TLR8: variants seen among roughly 807,000 people sequenced by gnomAD.
The protein encoded by TLR8 is toll like receptor 8.
A neutral mutation model predicts 18.5 loss-of-function variants in TLR8; 5 were observed. The observed-to-expected ratio is 0.27, with a 90% CI of 0.14 to 0.57. The LOEUF (loss-of-function observed/expected upper bound fraction) is 0.57. Among genes scored for constraint, TLR8 ranks in the 20% least tolerant of loss-of-function variants. The probability of loss-of-function intolerance (pLI) is 0.92; values close to 1 mark genes in which losing one functional copy is unlikely to be tolerated. For synonymous variants in TLR8, 299 were observed against 300.1 expected (o/e 1.00, Z 0.04); for missense variants, 543 against 769.8 (o/e 0.71, Z 3.49).
At position 12,919,092 on chromosome X, in the gene TLR8, A is replaced by G. The variant is rs151096932; in HGVS notation, c.52A>G (p.Ile18Val). The G allele has an allele frequency of 1.1e-4, 134 of 1,209,087 alleles. No homozygotes were observed. In the African/African-American group the frequency reaches 1.8e-3, roughly 16 times the overall value. ...SSMLTCIFLLISGSCELCAEE... is the reference protein window; with the variant it reads ...SSMLTCIFLLVSGSCELCAEE... The stretch of plus-strand genomic sequence containing the variant: ...AATGCTGACCTGCATTTTCCTGCTA[A>G]TATCTGGTTCCTGTGAGTTATGCGC... Residue 18 changes from isoleucine (I) to valine (V), a missense_variant, in exon 2 of 2, where the codon ATA becomes GTA. Physicochemically the swap from Ile to Val is conservative, Grantham distance 29 (BLOSUM62 3). Transcript: ENST00000218032.
Position 12,921,475 on chromosome X carries a change from A to C in TLR8, c.2435A>C (p.Lys812Thr), listed in dbSNP as rs1210434450. 5 of 1,210,130 alleles carry C rather than the reference A, an allele frequency of 4.1e-6. No individual in the cohort carries two copies. The highest frequency in any genetic ancestry group is 5.6e-6 in the Non-Finnish European group (5 of 895,157). Residue 812 changes from lysine (K) to threonine (T), a missense_variant, in exon 2 of 2, where the codon AAG becomes ACG. Transcript: ENST00000218032. Reference sequence around the variant, plus strand: ...GCCAGTCCTGGGGATCAAAGAGGGAAGAGTATTGTGAGTCTGGAGCTAACA... The same window carrying C: ...GCCAGTCCTGGGGATCAAAGAGGGACGAGTATTGTGAGTCTGGAGCTAACA... ...ICASPGDQRG[K>T]SIVSLELTTC...
At position 12,920,205 on chromosome X, in the gene TLR8, C is replaced by G; in HGVS notation, c.1165C>G (p.Pro389Ala). 1 of 1,209,477 alleles carries G rather than the reference C, an allele frequency of 8.3e-7. No homozygotes were observed. Among genetic ancestry groups the G allele is most frequent in the Non-Finnish European group, 1.1e-6 (1 of 894,092 alleles). Residue 389 changes from proline to alanine, a missense_variant, in exon 2 of 2, where the codon CCC becomes GCC. Pro to Ala is a conservative substitution (Grantham distance 27). Transcript: ENST00000218032. ...FQELREDDFQPLMQLPNLSTI... is the reference protein window; with the variant it reads ...FQELREDDFQALMQLPNLSTI... ...GGAACTCAGAGAAGATGATTTCCAGCCCCTGATGCAGCTTCCAAACTTATC... is the reference window on the plus strand; with the variant it reads ...GGAACTCAGAGAAGATGATTTCCAGGCCCTGATGCAGCTTCCAAACTTATC...
At chrX:12,916,038 C>T (rs765518000) in intron 1 of TLR8, among the ~76,000 whole-genome samples, 3 of 110,991 alleles carry the variant, frequency 2.7e-5, no homozygotes, top group Admixed American at 9.6e-5. Flanking sequence ...TGCACCACCA[C>T]GCCCAGCTAA....
Position 12,922,243 on chromosome X carries a change from T to C in TLR8, c.*77T>C. 1.7e-5 allele frequency: 19 copies of C among 1,097,332 alleles called. No homozygotes were observed. The highest frequency in any genetic ancestry group is 2.3e-5 in the Non-Finnish European group (19 of 829,463). The allele number at this position is 1,097,332 out of a possible 1,213,427, so 90.4% of individuals were successfully genotyped here. On this transcript the variant is annotated 3_prime_UTR_variant, in exon 2 of 2. Coordinates refer to ENST00000218032, the MANE Select transcript of TLR8 (RefSeq NM_138636.5). ...TTTCTGTATTAGTTATCTATTGCTA[T>C]GTAACAAATTATCCCAAAACTTAGT...
At chrX:12,907,850 T>C (rs750990801) in intron 1 of TLR8, among the ~76,000 whole-genome samples, 24 of 111,271 alleles carry the variant, frequency 2.2e-4, no homozygotes, top group African/African-American at 7.5e-4. Context: ...TATACCCACC[T>C]AATGTTCATT....
intron 1 of TLR8, among the ~76,000 whole-genome samples, chrX:12,916,547 G>A (rs1433986219): frequency 8.9e-6 from 1 of 112,155 alleles, no homozygotes; most frequent in East Asian, 2.8e-4. Flanking sequence ...GTACAGATGT[G>A]AAGCCTGGAG....
At chrX:12,917,366 CA>C (rs1160099822) in intron 1 of TLR8, among the ~76,000 whole-genome samples, 1 of 112,289 alleles carries the variant, frequency 8.9e-6, no homozygotes, top group African/African-American at 3.2e-5. Context: ...TACAAATGGG[CA>C]ATAATGATTG....
In TLR8 at chrX:12,921,465, CA is replaced by C; in HGVS notation, c.2428del (p.Arg810GlufsTer6). ...TGTCATTTGTGCCAGTCCTGGGGAT[CA>C]AAGAGGGAAGAGTATTGTGAGTCTG... ...VDVICASPGD[Q>X]RGKSIVSLEL... On this transcript the variant is annotated frameshift_variant, in exon 2 of 2. Transcript: ENST00000218032. LOFTEE classifies it high-confidence loss of function. 8.3e-7 allele frequency: 1 copy of C among 1,211,562 alleles called. No individual in the cohort carries two copies. Among genetic ancestry groups the C allele is most frequent in the Non-Finnish European group, 1.1e-6 (1 of 895,368 alleles).
At position 12,921,650 on chromosome X, in the gene TLR8, C is replaced by T. The variant is rs146081722; in HGVS notation, c.2610C>T (p.Tyr870=). ...YNVCLAKVKG[Y]RSLSTSQTFY... ...TGTGTTTAGCTAAGGTAAAAGGCTACAGGTCTCTTTCCACATCCCAAACTT... is the reference window on the plus strand; with the variant it reads ...TGTGTTTAGCTAAGGTAAAAGGCTATAGGTCTCTTTCCACATCCCAAACTT... Residue 870 remains tyrosine (Y), a synonymous_variant, in exon 2 of 2, where the codon TAC becomes TAT. Coordinates refer to ENST00000218032, the MANE Select transcript of TLR8 (RefSeq NM_138636.5). 15 of 1,209,975 alleles carry T rather than the reference C, an allele frequency of 1.2e-5. No individual in the cohort carries two copies. In the African/African-American group the frequency reaches 1.6e-4, roughly 13 times the overall value.
intron 1 of TLR8, 79 bp from the exon 2 acceptor site, chrX:12,918,965 A>G: frequency 2.0e-6 from 2 of 1,023,546 alleles, no homozygotes; most frequent in Non-Finnish European, 2.6e-6. Context: ...AGTATGGGGC[A>G]GCGCTGCTAA....
chrX:12,908,928 G>A (rs140072246), intron 1 of TLR8, among the ~76,000 whole-genome samples: 3,461 of 112,013 alleles, frequency 0.031, 51 homozygotes, highest in Non-Finnish European at 0.037. Flanking sequence ...GATTATGAAA[G>A]AGAAAGCAGT....
At position 12,919,255 on chromosome X, in the gene TLR8, A is replaced by G; in HGVS notation, c.215A>G (p.Asp72Gly). 8.2e-7 allele frequency: 1 copy of G among 1,212,234 alleles called. No homozygotes were observed. The highest frequency in any genetic ancestry group is 1.1e-6 in the Non-Finnish European group (1 of 895,649). ...TATGTGACAGAACTAGACCTGTCTG[A>G]TAATTTCATCACACACATAACGAAT... ...GKYVTELDLS[D>G]NFITHITNES... Residue 72 changes from aspartate (D) to glycine (G), a missense_variant, in exon 2 of 2, where the codon GAT becomes GGT. Coordinates refer to ENST00000218032, the MANE Select transcript of TLR8 (RefSeq NM_138636.5).
chrX:12,916,852 AGTT>A (rs771059229), intron 1 of TLR8, among the ~76,000 whole-genome samples: 2 of 110,498 alleles, frequency 1.8e-5, no homozygotes, highest in Non-Finnish European at 3.8e-5. Flanking sequence ...AGTTCCTTGC[AGTT>A]GTTGTTCGAC....
At chrX:12,912,086 T>C (rs5744049) in intron 1 of TLR8, among the ~76,000 whole-genome samples, 3 of 92,623 alleles carry the variant, frequency 3.2e-5, no homozygotes, top group African/African-American at 1.2e-4. Context: ...CTCTCTCTCT[T>C]TCTCTCTATT....
chrX:12,912,613 G>A (rs2043029066), intron 1 of TLR8, among the ~76,000 whole-genome samples: 1 of 113,355 alleles, frequency 8.8e-6, no homozygotes, highest in Non-Finnish European at 1.9e-5. Flanking sequence ...ACCATTTCTT[G>A]CCCTTCCCAT....
intron 1 of TLR8, among the ~76,000 whole-genome samples, chrX:12,918,263 T>TA (rs2043068698): frequency 9.0e-6 from 1 of 111,647 alleles, no homozygotes; most frequent in African/African-American, 3.3e-5. Flanking sequence ...ATAAATAAGG[T>TA]AAAGATGACT....
At chrX:12,913,353 C>T (rs2043033654) in intron 1 of TLR8, among the ~76,000 whole-genome samples, 1 of 112,047 alleles carries the variant, frequency 8.9e-6, no homozygotes, top group African/African-American at 3.2e-5. Flanking sequence ...CATTTCCCTT[C>T]CCAGTTATAT....
At chrX:12,908,065 G>T (rs2042996658) in intron 1 of TLR8, among the ~76,000 whole-genome samples, 1 of 111,044 alleles carries the variant, frequency 9.0e-6, no homozygotes, top group South Asian at 3.8e-4. Context: ...AATAGCCGGG[G>T]CCCGGTGGCT....
intron 1 of TLR8, among the ~76,000 whole-genome samples, chrX:12,915,744 C>G (rs1401989703): frequency 1.8e-5 from 2 of 112,602 alleles, no homozygotes; most frequent in African/African-American, 6.4e-5. Context: ...TCTGGAGGTA[C>G]AGCCTGGGAA....
Sources: gnomAD v4.1 joint callset for allele counts (sites outside exome capture counted in the v4.1 genomes callset) on GRCh38, gnomAD v4.1.1 for gene constraint, MANE v1.5 for transcripts, NCBI Gene and HGNC (gene_info 2026-07-23, HGNC 2026-07-21) for gene names.